RNLS: variants seen among roughly 807,000 people sequenced by gnomAD.
RNLS encodes the protein renalase.
A neutral mutation model predicts 39.8 loss-of-function variants in RNLS; 39 were observed. That is an observed-to-expected ratio of 0.98 (90% CI 0.76 to 1.28). RNLS has a LOEUF of 1.28. Among genes scored for constraint, RNLS ranks in the 50% most tolerant of loss-of-function variants. RNLS has a pLI of 0.00. For synonymous variants in RNLS, 147 were observed against 150.7 expected, an observed-to-expected ratio of 0.98 and a Z score of 0.18; for missense variants, 410 against 413.3, an observed-to-expected ratio of 0.99 and a Z score of 0.07.
chr10:88,510,361 T>A (rs1024503910), intron 4 of RNLS, among the ~76,000 whole-genome samples: 8 of 152,154 alleles, frequency 5.3e-5, no homozygotes, highest in Non-Finnish European at 1.2e-4. Context: ...ATAATTTGTT[T>A]AAATTATTCA....
At position 88,545,089 on chromosome 10, in the gene RNLS, C is replaced by T. The variant is rs985653318; in HGVS notation, c.526+27814G>A. On this transcript the variant is annotated intron_variant, in intron 4 of 6. Coordinates refer to ENST00000331772, the MANE Select transcript of RNLS (RefSeq NM_001031709.3). ...CATTAGCAGCTTGTCTCATAATGTC[C>T]CTTTGCTTTTCTTACTCTAGAAGCC... 2.1e-4 allele frequency among the ~76,000 whole-genome samples: 32 copies of T among 151,960 alleles called. 1 individual carries two copies. The highest frequency in any genetic ancestry group is 1.5e-5 in the Non-Finnish European group (1 of 67,990).
At chr10:88,520,899 C>T (rs940274673) in intron 4 of RNLS, among the ~76,000 whole-genome samples, 8 of 151,968 alleles carry the variant, frequency 5.3e-5, no homozygotes, top group African/African-American at 1.9e-4. Context: ...TTTGCTCTGC[C>T]TCCCTCTCTC....
the RNLS span, among the ~76,000 whole-genome samples, chr10:88,173,582 C>T: frequency 2.6e-5 from 4 of 152,236 alleles, no homozygotes; most frequent in African/African-American, 9.6e-5. Context: ...ATAGCATGCT[C>T]ATTTTAAGAA....
intron 5 of RNLS, among the ~76,000 whole-genome samples, chr10:88,359,830 C>T (rs925478497): frequency 6.6e-6 from 1 of 152,190 alleles, no homozygotes; most frequent in African/African-American, 2.4e-5. Flanking sequence ...CACCATCCCA[C>T]TCCATTTTTA....
the RNLS span, among the ~76,000 whole-genome samples, chr10:88,195,019 G>T: frequency 1.3e-5 from 2 of 152,138 alleles, no homozygotes; most frequent in Non-Finnish European, 2.9e-5. Flanking sequence ...AGGCATACTC[G>T]AGTGAGTCTG....
Position 88,464,246 on chromosome 10 carries a change from T to A in RNLS, c.527-101521A>T, listed in dbSNP as rs111825445. 3.3e-5 allele frequency among the ~76,000 whole-genome samples: 5 copies of A among 152,246 alleles called. 1 individual carries two copies. Among genetic ancestry groups the A allele is most frequent in the African/African-American group, 7.2e-5 (3 of 41,570 alleles). On this transcript the variant is annotated intron_variant, in intron 4 of 6. Coordinates refer to ENST00000331772, the MANE Select transcript of RNLS (RefSeq NM_001031709.3). ...GTAGAAACAGCACTGGAAATCGATA[T>A]CATCAGCAAGGGAAAGAAGTGATGA... is the stretch of plus-strand genomic sequence containing the variant.
chr10:88,225,962 T>C, the RNLS span, among the ~76,000 whole-genome samples: 2 of 152,154 alleles, frequency 1.3e-5, no homozygotes, highest in East Asian at 1.9e-4. Flanking sequence ...TGCTGTGAAA[T>C]GAATTTTGTG....
intron 4 of RNLS, among the ~76,000 whole-genome samples, chr10:88,392,746 G>T (rs865990194): frequency 2.0e-5 from 3 of 152,104 alleles, no homozygotes; most frequent in Non-Finnish European, 2.9e-5. Context: ...AAAATTAGGA[G>T]ACATTCAAAG....
intron 4 of RNLS, among the ~76,000 whole-genome samples, chr10:88,460,947 C>T (rs912652146): frequency 6.6e-6 from 1 of 152,030 alleles, no homozygotes; most frequent in East Asian, 1.9e-4. Context: ...TATACTGGGC[C>T]TGAGTACAGG....
intron 4 of RNLS, among the ~76,000 whole-genome samples, chr10:88,473,738 A>AT (rs1445525796): frequency 6.6e-6 from 1 of 152,166 alleles, no homozygotes; most frequent in African/African-American, 2.4e-5. Flanking sequence ...TATAAAGGAG[A>AT]TTTTTTAAAA....
chr10:88,375,229 A>G (rs1339481749), intron 4 of RNLS, among the ~76,000 whole-genome samples: 1 of 152,132 alleles, frequency 6.6e-6, no homozygotes, highest in Non-Finnish European at 1.5e-5. Flanking sequence ...AGAGAACAAA[A>G]AAACCCCAAA....
intron 4 of RNLS, among the ~76,000 whole-genome samples, chr10:88,500,700 C>T (rs1339297051): frequency 6.6e-6 from 1 of 152,034 alleles, no homozygotes; most frequent in Non-Finnish European, 1.5e-5. Flanking sequence ...AAACTAATAA[C>T]CTAATAACTT....
chr10:88,575,084 C>T (rs1057256032), intron 3 of RNLS, among the ~76,000 whole-genome samples: 4 of 142,968 alleles, frequency 2.8e-5, no homozygotes, highest in Non-Finnish European at 6.0e-5. Context: ...AGATGAACGC[C>T]TTGAAAATGT....
At position 88,487,357 on chromosome 10, in the gene RNLS, GA is replaced by G. The variant is rs1280969671; in HGVS notation, c.526+85545del. Among the ~76,000 whole-genome samples, 16 of 146,700 alleles carry G rather than the reference GA, an allele frequency of 1.1e-4. No homozygotes were observed. The South Asian group carries it at 3.0e-3, about 28-fold the overall frequency. ...GTTTAATAAAGTCATCTTTGAAAAA[GA>G]AAAAAAAAGAGCTCTTAAAATTCAA... On this transcript the variant is annotated intron_variant, in intron 4 of 6. Coordinates refer to ENST00000331772, the MANE Select transcript of RNLS (RefSeq NM_001031709.3).
chr10:88,527,854 AT>A (rs1847197462), intron 4 of RNLS, among the ~76,000 whole-genome samples: 1 of 152,252 alleles, frequency 6.6e-6, no homozygotes, highest in East Asian at 1.9e-4. Flanking sequence ...TGAAAAAAAA[AT>A]AAAATCTGGG....
At chr10:88,262,834 C>T in the RNLS span, among the ~76,000 whole-genome samples, 72 of 152,184 alleles carry the variant, frequency 4.7e-4, no homozygotes, top group East Asian at 0.011. Flanking sequence ...ATGTGACTCG[C>T]GGGACATCTA....
intron 4 of RNLS, among the ~76,000 whole-genome samples, chr10:88,496,795 T>C (rs1451944618): frequency 6.6e-6 from 1 of 152,126 alleles, no homozygotes; most frequent in Non-Finnish European, 1.5e-5. Flanking sequence ...TCCTATGATA[T>C]GCAGCCAGAG....
chr10:88,477,817 G>T (rs1479872992), intron 4 of RNLS, among the ~76,000 whole-genome samples: 3 of 152,176 alleles, frequency 2.0e-5, no homozygotes, highest in African/African-American at 7.2e-5. Context: ...TCACACAGCT[G>T]TCCAGAGCAG....
chr10:88,331,675 T>A (rs1365438536), intron 5 of RNLS, among the ~76,000 whole-genome samples: 1 of 152,042 alleles, frequency 6.6e-6, no homozygotes, highest in Non-Finnish European at 1.5e-5. Flanking sequence ...GGCCACACTG[T>A]TTTAGGGGTG....
Sources: gnomAD v4.1 joint callset for allele counts (sites outside exome capture counted in the v4.1 genomes callset) on GRCh38, gnomAD v4.1.1 for gene constraint, MANE v1.5 for transcripts, NCBI Gene and HGNC (gene_info 2026-07-23, HGNC 2026-07-21) for gene names.